ADRA1A: variants seen among roughly 807,000 people sequenced by gnomAD.
The protein encoded by ADRA1A is adrenoceptor alpha 1A, also known as alpha-1A adrenergic receptor.
Under a neutral mutation model 29.6 loss-of-function variants are expected in ADRA1A, and 31 were observed. The observed-to-expected ratio is 1.05, with a 90% CI of 0.79 to 1.41. The LOEUF is 1.41. ADRA1A is among the 40% of genes most tolerant of loss of function. The probability of loss-of-function intolerance (pLI) is 0.00; values close to 1 mark genes in which losing one functional copy is unlikely to be tolerated. For synonymous variants in ADRA1A, 311 were observed against 254.3 expected, an observed-to-expected ratio of 1.22 and a Z score of -2.12; for missense variants, 619 against 601.1, an observed-to-expected ratio of 1.03 and a Z score of -0.31.
intron 2 of ADRA1A, among the ~76,000 whole-genome samples, chr8:26,782,436 G>A (rs898774887): frequency 2.0e-5 from 3 of 152,130 alleles, no homozygotes; most frequent in Admixed American, 6.5e-5. Flanking sequence ...AGGGATTGGG[G>A]CAATTTCCTC....
chr8:26,779,266 C>A (rs1032468742), intron 2 of ADRA1A: 5 of 687,838 alleles, frequency 7.3e-6, no homozygotes, highest in Admixed American at 4.4e-5. Flanking sequence ...CTTTTTTTTG[C>A]CTCTTACATT....
intron 2 of ADRA1A, among the ~76,000 whole-genome samples, chr8:26,793,689 G>A (rs998655429): frequency 8.6e-5 from 13 of 151,884 alleles, no homozygotes; most frequent in African/African-American, 1.4e-4. Flanking sequence ...GTAAAAAACC[G>A]TATGCAGATA....
At chr8:26,774,622 C>T (rs981152490) in intron 2 of ADRA1A, among the ~76,000 whole-genome samples, 10 of 151,048 alleles carry the variant, frequency 6.6e-5, no homozygotes, top group African/African-American at 2.4e-4. Context: ...TGAGCTAATG[C>T]GCACCACTGC....
chr8:26,755,255 A>G (rs896612315), downstream of ADRA1A, among the ~76,000 whole-genome samples: 25 of 151,954 alleles, frequency 1.6e-4, no homozygotes, highest in African/African-American at 6.0e-4. Context: ...CTTGAGAACA[A>G]AGAGAATCAC....
rs553064601 is a variant in ADRA1A, at chr8:26,843,503, T to C, written c.883+20584A>G. Among the ~76,000 whole-genome samples the C allele has an allele frequency of 5.3e-5, 8 of 152,280 alleles. No individual in the cohort carries two copies. In the South Asian group the frequency reaches 1.7e-3, roughly 32 times the overall value. ...GTAGAGAGTGTAGGATTGTCTATTT[T>C]CTCTTGGAACTGATGGCCATGGTGA... On this transcript the variant is annotated intron_variant, in intron 2 of 2. Coordinates refer to ENST00000380573, the MANE Select transcript of ADRA1A (RefSeq NM_000680.4).
intron 2 of ADRA1A, chr8:26,859,178 A>G: frequency 3.9e-6 from 5 of 1,289,854 alleles, no homozygotes; most frequent in Non-Finnish European, 5.1e-6. Flanking sequence ...TCTCCAAAAC[A>G]GCACGTCATA....
At chr8:26,852,381 C>G (rs954791736) in intron 2 of ADRA1A, among the ~76,000 whole-genome samples, 1 of 151,764 alleles carries the variant, frequency 6.6e-6, no homozygotes, top group African/African-American at 2.4e-5. Context: ...AGAGAAATCT[C>G]TAGAGATTAC....
chr8:26,804,816 AAATAATAGT>A (rs1808850303), intron 2 of ADRA1A, among the ~76,000 whole-genome samples: 1 of 152,180 alleles, frequency 6.6e-6, no homozygotes, highest in South Asian at 2.1e-4. Flanking sequence ...GGTGTGTGAA[AAATAATAGT>A]AATTATAAGA....
chr8:26,815,429 T>C lies in ADRA1A; in HGVS notation c.884-44763A>G, dbSNP rs1809687395. On this transcript the variant is annotated intron_variant, in intron 2 of 2. Transcript: ENST00000380573. This position sits in a 1 kb window ranked among gnomAD's most constrained non-coding sequence, Gnocchi z 4.2. ...GAGGTAGCAAAAACCTAAGTATTAA[T>C]GTAACACTGATTTCAAGCTACCTTA... Among the ~76,000 whole-genome samples the C allele has an allele frequency of 1.3e-5, 2 of 152,238 alleles. No individual in the cohort carries two copies. The highest frequency in any genetic ancestry group is 2.4e-5 in the African/African-American group (1 of 41,454).
At chr8:26,847,070 G>A (rs1812258071) in intron 2 of ADRA1A, among the ~76,000 whole-genome samples, 1 of 152,120 alleles carries the variant, frequency 6.6e-6, no homozygotes, top group Non-Finnish European at 1.5e-5. Context: ...GGACTGTCGT[G>A]GGGTGGGGGG....
At chr8:26,809,547 C>A (rs1809240488) in intron 2 of ADRA1A, among the ~76,000 whole-genome samples, 1 of 152,190 alleles carries the variant, frequency 6.6e-6, no homozygotes, top group African/African-American at 2.4e-5. Flanking sequence ...ACTTGTCTTA[C>A]AACTTTATTG....
rs904936822 is a variant in ADRA1A at position 26,867,000 on chromosome 8, G to T, written c.-751C>A. On this transcript the variant is annotated 5_prime_UTR_variant, in exon 1 of 3. Coordinates refer to ENST00000380573, the MANE Select transcript of ADRA1A (RefSeq NM_000680.4). This position sits in a 1 kb window ranked among gnomAD's most constrained non-coding sequence, Gnocchi z 5.7. ...GATGTGGACCCGGCTTCGGTCCCGG[G>T]AGCTGCCTGCCTGCTCTTCTCTGGA... 2 of 985,066 alleles carry T rather than the reference G, an allele frequency of 2.0e-6. No individual in the cohort carries two copies. The highest frequency in any genetic ancestry group is 2.4e-6 in the Non-Finnish European group (2 of 829,942). The allele number at this position is 985,066 out of a possible 1,614,324, so 61.0% of individuals were successfully genotyped here. A position where few individuals can be genotyped will look rare whatever the true frequency, so the allele number is the denominator to read the frequency against.
At chr8:26,748,786 A>G (rs1585613113) in intron 2 of ADRA1A, 1 of 398,250 alleles carries the variant, frequency 2.5e-6, no homozygotes, top group Non-Finnish European at 4.8e-6. Flanking sequence ...AAAACTATTG[A>G]CCTAATTTTT....
rs912679125 is a variant in ADRA1A at position 26,867,103 on chromosome 8, T to G, written c.-854A>C. 1.3e-4 allele frequency: 128 copies of G among 985,354 alleles called. No individual in the cohort carries two copies. Among genetic ancestry groups the G allele is most frequent in the Non-Finnish European group, 1.4e-4 (120 of 829,948 alleles). The allele number at this position is 985,354 out of a possible 1,614,324, so 61.0% of individuals were successfully genotyped here. On this transcript the variant is annotated 5_prime_UTR_variant, in exon 1 of 3. Transcript: ENST00000380573. ...CGCTGACTCACCCCTCCACCACTGATGTCTTTAAGCTCCTGAACCGCTGTC... is the reference window on the plus strand; with the variant it reads ...CGCTGACTCACCCCTCCACCACTGAGGTCTTTAAGCTCCTGAACCGCTGTC...
intron 2 of ADRA1A, among the ~76,000 whole-genome samples, chr8:26,814,164 G>T (rs930265038): frequency 3.3e-5 from 5 of 151,160 alleles, no homozygotes; most frequent in Admixed American, 3.3e-4. Flanking sequence ...TTAAAGGAGT[G>T]GTTTTAGTGA....
intron 2 of ADRA1A, among the ~76,000 whole-genome samples, chr8:26,793,345 A>G (rs1007617312): frequency 3.3e-5 from 5 of 152,034 alleles, no homozygotes; most frequent in Admixed American, 6.6e-5. Flanking sequence ...ACTGAAAATG[A>G]GAGCTTCATG....
rs960343540 is a variant in ADRA1A, at chr8:26,860,362, T to C, written c.883+3725A>G. 6.6e-6 allele frequency among the ~76,000 whole-genome samples: 1 copy of C among 152,080 alleles called. No homozygotes were observed. Among genetic ancestry groups the C allele is most frequent in the African/African-American group, 2.4e-5 (1 of 41,394 alleles). The stretch of plus-strand genomic sequence containing the variant: ...GTGGATGCTCCCTAACCTGACCGAG[T>C]CTGTGTCTCTTCACACACACACTCT... On this transcript the variant is annotated intron_variant, in intron 2 of 2. Coordinates refer to ENST00000380573, the MANE Select transcript of ADRA1A (RefSeq NM_000680.4). This position sits in a 1 kb window ranked among gnomAD's most constrained non-coding sequence, Gnocchi z 4.7.
intron 2 of ADRA1A, among the ~76,000 whole-genome samples, chr8:26,858,604 T>C (rs1347804746): frequency 6.6e-6 from 1 of 152,168 alleles, no homozygotes; most frequent in Non-Finnish European, 1.5e-5. Context: ...CTCTAGACAA[T>C]GAGATGAAAT....
chr8:26,787,910 A>T lies in ADRA1A; in HGVS notation c.884-17244T>A, dbSNP rs1278158262. ...CTCAGTCATTAGTGCTATCTTGTCT[A>T]TTTTTTTTTTTTTAACATTTGGGGA... is the stretch of plus-strand genomic sequence containing the variant. On this transcript the variant is annotated intron_variant, in intron 2 of 2. Transcript: ENST00000380573. The surrounding 1 kb of genome is among the most constrained non-coding windows in gnomAD (Gnocchi z 4.2). Among the ~76,000 whole-genome samples, 6 of 147,118 alleles carry T rather than the reference A, an allele frequency of 4.1e-5. No homozygotes were observed. Among genetic ancestry groups the T allele is most frequent in the Non-Finnish European group, 7.5e-5 (5 of 66,748 alleles).
Sources: allele counts gnomAD v4.1 joint callset (sites outside exome capture counted in the v4.1 genomes callset), GRCh38; gene constraint gnomAD v4.1.1; non-coding constraint Gnocchi (gnomAD v3.1); transcripts MANE v1.5; gene names NCBI Gene and HGNC (gene_info 2026-07-23, HGNC 2026-07-21).